Variants in TANGO6 observed in about 807,000 individuals in gnomAD.
TANGO6 encodes transport and golgi organization 6 homolog.
Under a neutral mutation model 114.2 loss-of-function variants are expected in TANGO6, and 90 were observed. The observed-to-expected ratio is 0.79, with a 90% CI of 0.66 to 0.94. The LOEUF is 0.94. Ranked by LOEUF, TANGO6 falls within the 40% of genes least tolerant of loss-of-function variation. The pLI, the probability that TANGO6 is intolerant of heterozygous loss-of-function variation, is 0.00. For synonymous variants in TANGO6, 477 were observed against 509.8 expected (o/e 0.94, Z 0.87); for missense variants, 1,274 against 1,315.3 (o/e 0.97, Z 0.49).
intron 10 of TANGO6, 41 bp from the exon 11 acceptor site, chr16:68,909,170 C>A: frequency 7.2e-7 from 1 of 1,393,442 alleles, no homozygotes; most frequent in East Asian, 2.7e-5. Flanking sequence ...CTTAGTTGTA[C>A]TGGCTTTATC....
At chr16:69,052,182 C>A (rs188606947) in intron 17 of TANGO6, among the ~76,000 whole-genome samples, 5 of 151,684 alleles carry the variant, frequency 3.3e-5, no homozygotes, top group Admixed American at 3.3e-4. Flanking sequence ...AACTCCTAGG[C>A]TCAAGCAATC....
intron 17 of TANGO6, among the ~76,000 whole-genome samples, chr16:69,071,484 G>A (rs1308840587): frequency 6.6e-6 from 1 of 152,166 alleles, no homozygotes; most frequent in Non-Finnish European, 1.5e-5. Context: ...AATAAGAACA[G>A]AATAGCCATT....
At chr16:69,003,211 C>T (rs1964060470) in intron 15 of TANGO6, among the ~76,000 whole-genome samples, 1 of 152,122 alleles carries the variant, frequency 6.6e-6, no homozygotes, top group Admixed American at 6.6e-5. Context: ...CACAAGGTGT[C>T]TCCAAAGAGA....
chr16:68,893,757 CAAAA>C (rs796651419), intron 7 of TANGO6, among the ~76,000 whole-genome samples: 7 of 84,188 alleles, frequency 8.3e-5, no homozygotes, highest in South Asian at 3.8e-4. Context: ...AGAAAACAAC[CAAAA>C]AAAAAAAAAA....
chr16:68,862,844 C>T lies in TANGO6; in HGVS notation c.736-101C>T, dbSNP rs998976950. 7.5e-6 allele frequency: 6 copies of T among 795,504 alleles called. No individual in the cohort carries two copies. In the African/African-American group the frequency reaches 1.0e-4, roughly 14 times the overall value. The allele number at this position is 795,504 out of a possible 1,614,324, so 49.3% of individuals were successfully genotyped here. On this transcript the variant is annotated intron_variant, in intron 2 of 17. Coordinates refer to ENST00000261778, the MANE Select transcript of TANGO6 (RefSeq NM_024562.2). ...TCAAGAGAGGATAGAAGCCTTCTTT[C>T]CGCTCCTCTCACAAGTATCTCTGTA...
At chr16:68,904,773 G>A (rs960260772) in intron 9 of TANGO6, among the ~76,000 whole-genome samples, 49 of 152,122 alleles carry the variant, frequency 3.2e-4, no homozygotes, top group African/African-American at 9.7e-4. Context: ...CAATGCCTTT[G>A]TATTTGTTTA....
At chr16:68,865,402 A>G (rs985718835) in intron 3 of TANGO6, among the ~76,000 whole-genome samples, 5 of 152,216 alleles carry the variant, frequency 3.3e-5, no homozygotes, top group African/African-American at 1.2e-4. Context: ...GTACCCAACA[A>G]GAAAAAGCAG....
chr16:68,886,768 C>T (rs969183913), intron 7 of TANGO6, among the ~76,000 whole-genome samples: 2 of 152,072 alleles, frequency 1.3e-5, no homozygotes, highest in African/African-American at 2.4e-5. Flanking sequence ...GCCTCAGCCT[C>T]CCAAAGTGCT....
chr16:68,944,983 C>T (rs1271473909), intron 14 of TANGO6, among the ~76,000 whole-genome samples: 2 of 152,234 alleles, frequency 1.3e-5, no homozygotes, highest in Admixed American at 6.5e-5. Flanking sequence ...CCCATGTCTA[C>T]TAAAAATACA....
intron 14 of TANGO6, among the ~76,000 whole-genome samples, chr16:68,949,007 A>G (rs924755305): frequency 2.0e-5 from 3 of 151,788 alleles, no homozygotes; most frequent in Non-Finnish European, 4.4e-5. Context: ...ACCAACATGG[A>G]GAAACCCTGT....
intron 11 of TANGO6, among the ~76,000 whole-genome samples, chr16:68,916,041 C>T (rs1962999430): frequency 1.3e-5 from 2 of 152,062 alleles, no homozygotes; most frequent in Admixed American, 1.3e-4. Context: ...TTGATTAATC[C>T]AAATGCATTG....
intron 17 of TANGO6, among the ~76,000 whole-genome samples, chr16:69,063,222 GAA>G (rs35318231): frequency 3.0e-4 from 41 of 134,814 alleles, no homozygotes; most frequent in East Asian, 2.5e-3. Context: ...GACTTCGTCT[GAA>G]AAAAAAAAAA....
intron 17 of TANGO6, among the ~76,000 whole-genome samples, chr16:69,068,769 G>A (rs1384615612): frequency 2.0e-5 from 3 of 152,052 alleles, no homozygotes; most frequent in Admixed American, 1.3e-4. Context: ...GCTGGAGTGC[G>A]GTGACGCCAT....
At chr16:68,973,987 G>A (rs748813602) in intron 14 of TANGO6, 41 bp from the exon 15 acceptor site, 13 of 1,563,508 alleles carry the variant, frequency 8.3e-6, no homozygotes, top group East Asian at 2.4e-5. Flanking sequence ...CCTTTTGATC[G>A]TAAACAGTAA....
At position 68,930,290 on chromosome 16, in the gene TANGO6, T is replaced by C; in HGVS notation, c.2696T>C (p.Ile899Thr). 1 of 1,553,916 alleles carries C rather than the reference T, an allele frequency of 6.4e-7. No individual in the cohort carries two copies. Among genetic ancestry groups the C allele is most frequent in the Non-Finnish European group, 8.7e-7 (1 of 1,147,580 alleles). Residue 899 changes from isoleucine (I) to threonine (T), a missense_variant, in exon 14 of 18, where the codon ATT becomes ACT. By Grantham distance (89) the Ile-to-Thr change is moderately conservative. Around this residue, in one of 5 missense-constraint regions of TANGO6, gnomAD observed 238 missense variants for 252.9 expected, o/e 0.94. Transcript: ENST00000261778. ...HEDTFVYLSA[I>T]QGVALLSDVY... ...GACACTTTTGTATATCTATCTGCAA[T>C]TCAGGGTAAGTCAGTCCTGGTTAAA...
chr16:68,924,465 C>T (rs1276191037), intron 12 of TANGO6, among the ~76,000 whole-genome samples: 2 of 145,310 alleles, frequency 1.4e-5, no homozygotes, highest in East Asian at 2.1e-4. Flanking sequence ...CCAGCCTGGG[C>T]AACAAGAGTG....
intron 4 of TANGO6, among the ~76,000 whole-genome samples, chr16:68,873,459 GC>G (rs1175548054): frequency 6.6e-6 from 1 of 151,990 alleles, no homozygotes; most frequent in Non-Finnish European, 1.5e-5. Flanking sequence ...GATTACAGGC[GC>G]CCACCACCAC....
Position 68,921,436 on chromosome 16 carries a change from G to A in TANGO6, c.2127+2217G>A, listed in dbSNP as rs571952715. The stretch of plus-strand genomic sequence containing the variant: ...TGACCTCAAGTGATTCACCCGCCTC[G>A]GCCTCCCAAAGTGTTACAGGCATGA... On this transcript the variant is annotated intron_variant, in intron 12 of 17. Transcript: ENST00000261778. 6.6e-5 allele frequency among the ~76,000 whole-genome samples: 10 copies of A among 151,786 alleles called. No homozygotes were observed. In the East Asian group the frequency reaches 7.8e-4, roughly 12 times the overall value.
intron 15 of TANGO6, among the ~76,000 whole-genome samples, chr16:68,977,223 T>G (rs1436184172): frequency 6.6e-6 from 1 of 152,148 alleles, no homozygotes; most frequent in Non-Finnish European, 1.5e-5. Flanking sequence ...CTGTTCTGGC[T>G]AAGGATGATA....
Sources: allele counts gnomAD v4.1 joint callset (sites outside exome capture counted in the v4.1 genomes callset), GRCh38; gene constraint gnomAD v4.1.1; regional missense constraint gnomAD v4.1.1; transcripts MANE v1.5; gene names NCBI Gene and HGNC (gene_info 2026-07-23, HGNC 2026-07-21).